NCK2: variants seen among roughly 807,000 people sequenced by gnomAD.
NCK2 encodes cytoplasmic protein NCK2.
A neutral mutation model predicts 33.9 loss-of-function variants in NCK2; 16 were observed. That is an observed-to-expected ratio of 0.47 (90% CI 0.32 to 0.72). NCK2 has a LOEUF of 0.72. Ranked by LOEUF, NCK2 falls within the 30% of genes least tolerant of loss-of-function variation. The probability of loss-of-function intolerance (pLI) is 0.03; values close to 1 mark genes in which losing one functional copy is unlikely to be tolerated. For synonymous variants in NCK2, 273 were observed against 239.9 expected (o/e 1.14, Z -1.27); for missense variants, 418 against 537.3 (o/e 0.78, Z 2.19).
chr2:105,831,748 C>T (rs542669807), intron 2 of NCK2, among the ~76,000 whole-genome samples: 8 of 152,182 alleles, frequency 5.3e-5, no homozygotes, highest in South Asian at 4.2e-4. Context: ...TTCCCTTTGT[C>T]GATGTGTCTG....
At chr2:105,842,801 G>A (rs753031889) in intron 2 of NCK2, among the ~76,000 whole-genome samples, 6 of 152,046 alleles carry the variant, frequency 3.9e-5, no homozygotes, top group Non-Finnish European at 7.4e-5. Flanking sequence ...GACCCAGCCC[G>A]TGGCAGGAGA....
chr2:105,892,746 C>T (rs35677272), intron 4 of NCK2, among the ~76,000 whole-genome samples: 45,162 of 150,988 alleles, frequency 0.3, 7,064 homozygotes, highest in South Asian at 0.41. Flanking sequence ...CTCGGGAGGC[C>T]GAGACAGGAG....
intron 1 of NCK2, among the ~76,000 whole-genome samples, chr2:105,777,644 C>T (rs775611088): frequency 5.9e-5 from 9 of 152,140 alleles, no homozygotes; most frequent in Admixed American, 3.3e-4. Flanking sequence ...AGCTGTTCTC[C>T]GGGTAACAGT....
At chr2:105,793,596 C>A (rs1690970351) in intron 1 of NCK2, among the ~76,000 whole-genome samples, 1 of 152,230 alleles carries the variant, frequency 6.6e-6, no homozygotes, top group South Asian at 2.1e-4. Flanking sequence ...CCAAAGTGAG[C>A]AATGAATTTG....
At chr2:105,806,367 A>G (rs1675041023) in intron 1 of NCK2, among the ~76,000 whole-genome samples, 1 of 151,490 alleles carries the variant, frequency 6.6e-6, no homozygotes, top group Non-Finnish European at 1.5e-5. Flanking sequence ...CCTCCCGAGT[A>G]GCTGGGACTA....
intron 2 of NCK2, chr2:105,848,745 C>T (rs991761288): frequency 1.3e-5 from 2 of 152,182 alleles, no homozygotes; most frequent in African/African-American, 4.8e-5. Flanking sequence ...CAAATGATAT[C>T]TACTAAAAGC....
chr2:105,841,838 T>C (rs530297374), intron 2 of NCK2, among the ~76,000 whole-genome samples: 1 of 152,202 alleles, frequency 6.6e-6, no homozygotes, highest in South Asian at 2.1e-4. Flanking sequence ...CAACTGAGGC[T>C]ACAGAAAGGG....
chr2:105,754,977 T>A (rs1689559581), intron 1 of NCK2, among the ~76,000 whole-genome samples: 1 of 152,092 alleles, frequency 6.6e-6, no homozygotes. Context: ...CTCCCCTCAC[T>A]TTTTTGTGTG....
chr2:105,787,257 A>C (rs1690711487), intron 1 of NCK2, among the ~76,000 whole-genome samples: 1 of 152,234 alleles, frequency 6.6e-6, no homozygotes, highest in Non-Finnish European at 1.5e-5. Flanking sequence ...TGACATGGTC[A>C]TATCTGTAGG....
intron 1 of NCK2, among the ~76,000 whole-genome samples, chr2:105,752,002 A>G (rs889315807): frequency 6.6e-6 from 1 of 152,238 alleles, no homozygotes; most frequent in Non-Finnish European, 1.5e-5. Context: ...TCTATGTGTA[A>G]TCAACATAAA....
chr2:105,754,862 TA>T (rs891829861), intron 1 of NCK2, among the ~76,000 whole-genome samples: 2 of 151,798 alleles, frequency 1.3e-5, no homozygotes, highest in African/African-American at 4.8e-5. Flanking sequence ...ATCAAACGAT[TA>T]AAAAAAAGTG....
intron 3 of NCK2, among the ~76,000 whole-genome samples, chr2:105,861,707 G>T (rs1226411317): frequency 6.6e-6 from 1 of 151,920 alleles, no homozygotes; most frequent in African/African-American, 2.4e-5. Context: ...TACAGATGGG[G>T]TTTTACCATG....
At chr2:105,767,776 G>T (rs1033169820) in intron 1 of NCK2, among the ~76,000 whole-genome samples, 1 of 152,198 alleles carries the variant, frequency 6.6e-6, no homozygotes, top group East Asian at 1.9e-4. Context: ...TTCCGTGCCC[G>T]CACCTGGGAA....
chr2:105,758,712 T>G (rs1267871115), intron 1 of NCK2, among the ~76,000 whole-genome samples: 2 of 152,136 alleles, frequency 1.3e-5, no homozygotes, highest in Non-Finnish European at 2.9e-5. Flanking sequence ...CCGTCCCGTT[T>G]TTGTATTTTT....
At chr2:105,867,316 A>G (rs1245600691) in intron 3 of NCK2, among the ~76,000 whole-genome samples, 1 of 152,238 alleles carries the variant, frequency 6.6e-6, no homozygotes, top group Non-Finnish European at 1.5e-5. Context: ...ATTAAATATA[A>G]TGTATCAGAA....
At chr2:105,806,518 G>A (rs1047096680) in intron 1 of NCK2, among the ~76,000 whole-genome samples, 7 of 152,284 alleles carry the variant, frequency 4.6e-5, no homozygotes, top group East Asian at 3.9e-4. Flanking sequence ...GATTACAGGC[G>A]TGAGCCACCA....
chr2:105,881,499 T>G lies in NCK2; in HGVS notation c.398T>G (p.Val133Gly). 6.2e-7 allele frequency: 1 copy of G among 1,613,912 alleles called. No individual in the cohort carries two copies. The highest frequency in any genetic ancestry group is 2.2e-5 in the East Asian group (1 of 44,854). Reference sequence around the variant, plus strand: ...GAGCGGGAGGATGAGTTGTCCCTGGTGAAGGGGTCGCGCGTCACCGTCATG... The same window carrying G: ...GAGCGGGAGGATGAGTTGTCCCTGGGGAAGGGGTCGCGCGTCACCGTCATG... ...VAEREDELSL[V>G]KGSRVTVMEK... is the part of the protein sequence containing the mutation. Residue 133 changes from valine to glycine, a missense_variant, in exon 4 of 5, where the codon GTG (valine) becomes GGG (glycine). Coordinates refer to ENST00000233154, the MANE Select transcript of NCK2 (RefSeq NM_003581.5).
upstream of NCK2, among the ~76,000 whole-genome samples, chr2:105,744,567 G>A (rs1376242023): frequency 6.6e-6 from 1 of 151,892 alleles, no homozygotes; most frequent in Non-Finnish European, 1.5e-5. Flanking sequence ...CACCTACCCT[G>A]CCCCCCACCG....
chr2:105,781,338 C>G (rs745963941), intron 1 of NCK2, among the ~76,000 whole-genome samples: 5 of 147,756 alleles, frequency 3.4e-5, no homozygotes, highest in Non-Finnish European at 6.1e-5. Context: ...ACAGGGGCAG[C>G]CTTCTCCCAT....
Sources: gnomAD v4.1 joint callset for allele counts (sites outside exome capture counted in the v4.1 genomes callset) on GRCh38, gnomAD v4.1.1 for gene constraint, MANE v1.5 for transcripts, NCBI Gene and HGNC (gene_info 2026-07-23, HGNC 2026-07-21) for gene names.